PLEKHG4B: variants seen among roughly 807,000 people sequenced by gnomAD.
The protein encoded by PLEKHG4B is pleckstrin homology domain-containing family G member 4B.
A neutral mutation model predicts 121.3 loss-of-function variants in PLEKHG4B; 111 were observed. That is an observed-to-expected ratio of 0.92 (90% CI 0.78 to 1.07). PLEKHG4B has a LOEUF of 1.07. Ranked by LOEUF, PLEKHG4B falls within the 50% of genes least tolerant of loss-of-function variation. The pLI, the probability that PLEKHG4B is intolerant of heterozygous loss-of-function variation, is 0.00. For missense variants in PLEKHG4B, 1,831 were observed against 1,757.8 expected, an observed-to-expected ratio of 1.04 and a Z score of -0.74; for synonymous variants, 738 against 725.0, an observed-to-expected ratio of 1.02 and a Z score of -0.29.
At chr5:170,632 A>G (rs1736512137) in intron 14 of PLEKHG4B, among the ~76,000 whole-genome samples, 1 of 152,130 alleles carries the variant, frequency 6.6e-6, no homozygotes, top group East Asian at 1.9e-4. Flanking sequence ...TTTTAGACAT[A>G]AAGTGCAGAT....
At chr5:124,127 T>C (rs1435966136) in intron 2 of PLEKHG4B, among the ~76,000 whole-genome samples, 2 of 152,230 alleles carry the variant, frequency 1.3e-5, no homozygotes, top group Non-Finnish European at 2.9e-5. Flanking sequence ...TTGATTAATT[T>C]CCACAATTTT....
Position 140,159 on chromosome 5 carries a change from G to T in PLEKHG4B, c.920G>T (p.Gly307Val). 1 of 775,662 alleles carries T rather than the reference G, an allele frequency of 1.3e-6. No homozygotes were observed. The highest frequency in any genetic ancestry group is 2.0e-6 in the Non-Finnish European group (1 of 502,558). The allele number at this position is 775,662 out of a possible 1,614,324, so 48.0% of individuals were successfully genotyped here. A position where few individuals can be genotyped will look rare whatever the true frequency, so the allele number is the denominator to read the frequency against. ...CGGATGCCCCCTGAGAACTGTGGGGGGTCGGGGGAGAGGCCGGACCCCATG... is the reference window on the plus strand; with the variant it reads ...CGGATGCCCCCTGAGAACTGTGGGGTGTCGGGGGAGAGGCCGGACCCCATG... ...GPRMPPENCG[G>V]SGERPDPMDQ... The change falls in exon 3 of 20, where the codon GGG (glycine) becomes GTG (valine). Residue 307 changes from glycine (G) to valine (V), a missense_variant. Physicochemically the swap from Gly to Val is moderately radical, Grantham distance 109 (BLOSUM62 -3). Transcript: ENST00000637938.
Position 156,686 on chromosome 5 carries a change from G to T in PLEKHG4B, c.2349-87G>T. 6.8e-7 allele frequency: 1 copy of T among 1,465,566 alleles called. No homozygotes were observed. The highest frequency in any genetic ancestry group is 1.4e-5 in the South Asian group (1 of 71,646). The allele number at this position is 1,465,566 out of a possible 1,614,324, so 90.8% of individuals were successfully genotyped here. A position where few individuals can be genotyped will look rare whatever the true frequency, so the allele number is the denominator to read the frequency against. ...GCCTTGTGGCATGAGGGAATGGAAA[G>T]AGCAGGGTTTTTATATGGGGTTGTC... is the stretch of plus-strand genomic sequence containing the variant. On this transcript the variant is annotated intron_variant, in intron 10 of 19. Coordinates refer to ENST00000637938, the MANE Select transcript of PLEKHG4B (RefSeq NM_052909.5). The surrounding 1 kb of genome is among the most constrained non-coding windows in gnomAD (Gnocchi z 4.4).
At chr5:160,365 A>G (rs1360882603) in intron 11 of PLEKHG4B, among the ~76,000 whole-genome samples, 1 of 152,178 alleles carries the variant, frequency 6.6e-6, no homozygotes, top group Non-Finnish European at 1.5e-5. Flanking sequence ...CTAGGCTCGG[A>G]TGGCTGCGGT....
intron 2 of PLEKHG4B, among the ~76,000 whole-genome samples, chr5:117,416 G>C (rs981284433): frequency 6.6e-6 from 1 of 152,122 alleles, no homozygotes; most frequent in African/African-American, 2.4e-5. Context: ...GCTAAGACTT[G>C]AGTGATTACT....
At position 183,179 on chromosome 5, in the gene PLEKHG4B, G is replaced by A. The variant is rs778805037; in HGVS notation, c.*856G>A. The stretch of plus-strand genomic sequence containing the variant: ...CTAGACTGAGCCCTGCTCCTGACTC[G>A]CCTACAAAATCATAAAAGCAAGACC... On this transcript the variant is annotated 3_prime_UTR_variant, in exon 20 of 20. Coordinates refer to ENST00000637938, the MANE Select transcript of PLEKHG4B (RefSeq NM_052909.5). 2.6e-5 allele frequency: 4 copies of A among 152,162 alleles called. No homozygotes were observed. Among genetic ancestry groups the A allele is most frequent in the African/African-American group, 7.2e-5 (3 of 41,426 alleles). 9.4% of individuals were successfully genotyped at this position (152,162 alleles called of 1,614,324 possible). A position where few individuals can be genotyped will look rare whatever the true frequency, so the allele number is the denominator to read the frequency against.
chr5:179,908 T>C (rs961026070), intron 18 of PLEKHG4B, among the ~76,000 whole-genome samples: 4 of 152,218 alleles, frequency 2.6e-5, no homozygotes, highest in Non-Finnish European at 4.4e-5. Context: ...ATTTTTGATA[T>C]GTAGGTTTGT....
At chr5:124,559 G>T (rs1446023305) in intron 2 of PLEKHG4B, among the ~76,000 whole-genome samples, 2 of 152,222 alleles carry the variant, frequency 1.3e-5, no homozygotes, top group Non-Finnish European at 2.9e-5. Context: ...CATACATTTT[G>T]ATGGTCTGTC....
chr5:148,812 T>A (rs1350918472), intron 6 of PLEKHG4B, among the ~76,000 whole-genome samples: 1 of 152,200 alleles, frequency 6.6e-6, no homozygotes, highest in Admixed American at 6.5e-5. Context: ...TCACAGTTCC[T>A]GATTTCAAAA....
intron 2 of PLEKHG4B, among the ~76,000 whole-genome samples, chr5:120,447 G>T (rs1057037995): frequency 6.6e-6 from 1 of 152,134 alleles, no homozygotes; most frequent in Non-Finnish European, 1.5e-5. Flanking sequence ...ACTAGAGATA[G>T]GCTGAAATTA....
At position 161,932 on chromosome 5, in the gene PLEKHG4B, GT is replaced by G; in HGVS notation, c.2639del (p.Leu880CysfsTer5). The part of the protein sequence containing the change: ...ELARWTRSSE[L>X]CETVSSWMGP... Reference sequence around the variant, plus strand: ...TGGCCAGGTGGACCCGCTCGTCCGAGTTGTGCGAGACGGTAAGAGACCCAGT... The same window carrying G: ...TGGCCAGGTGGACCCGCTCGTCCGAGTGTGCGAGACGGTAAGAGACCCAGT... On this transcript the variant is annotated frameshift_variant, in exon 12 of 20. Coordinates refer to ENST00000637938, the MANE Select transcript of PLEKHG4B (RefSeq NM_052909.5). LOFTEE classifies it high-confidence loss of function. 2 of 1,611,750 alleles carry G rather than the reference GT, an allele frequency of 1.2e-6. No individual in the cohort carries two copies. The highest frequency in any genetic ancestry group is 1.7e-6 in the Non-Finnish European group (2 of 1,179,472).
chr5:123,707 A>G (rs929997432), intron 2 of PLEKHG4B, among the ~76,000 whole-genome samples: 1 of 152,140 alleles, frequency 6.6e-6, no homozygotes, highest in African/African-American at 2.4e-5. Flanking sequence ...GTAGTAAGTA[A>G]TATCCCCTCT....
intron 1 of PLEKHG4B, among the ~76,000 whole-genome samples, chr5:107,319 ACTGCTCTCCT>A (rs1734005715): frequency 6.6e-6 from 1 of 152,068 alleles, no homozygotes; most frequent in Non-Finnish European, 1.5e-5. Context: ...TCTGGGATCC[ACTGCTCTCCT>A]CTGCTCTGGG....
rs774394437 is a variant in PLEKHG4B, at chr5:154,940, C to A, written c.2058C>A (p.Asp686Glu). 2.3e-5 allele frequency: 37 copies of A among 1,613,814 alleles called. No homozygotes were observed. The highest frequency in any genetic ancestry group is 3.1e-5 in the Non-Finnish European group (36 of 1,180,034). Residue 686 changes from aspartate to glutamate, a missense_variant, in exon 8 of 20, where the codon GAC becomes GAA. Transcript: ENST00000637938. The part of the protein sequence containing the change: ...KFVDSCQLTA[D>E]LDGSFPYSHG... The stretch of plus-strand genomic sequence containing the variant: ...TTGACAGCTGCCAGCTGACCGCAGA[C>A]CTCGACGGCTCCTTTCCCTACAGCC...
At chr5:164,145 G>C (rs966550833) in intron 13 of PLEKHG4B, among the ~76,000 whole-genome samples, 2 of 152,250 alleles carry the variant, frequency 1.3e-5, no homozygotes, top group Admixed American at 6.5e-5. Flanking sequence ...CATTTGGTTG[G>C]CTTCTGTGTC....
chr5:182,203 A>C lies in PLEKHG4B; in HGVS notation c.4764A>C (p.Ser1588=), dbSNP rs1274740935. ...GLWSPAHSPW[S]SDIRACVEED... is the part of the protein sequence containing the mutation. ...GGAGCCCTGCCCACAGCCCCTGGTCATCTGATATCAGAGCCTGCGTCGAGG... is the reference window on the plus strand; with the variant it reads ...GGAGCCCTGCCCACAGCCCCTGGTCCTCTGATATCAGAGCCTGCGTCGAGG... Residue 1588 remains serine, a synonymous_variant, in exon 20 of 20, where the codon TCA becomes TCC. Coordinates refer to ENST00000637938, the MANE Select transcript of PLEKHG4B (RefSeq NM_052909.5). The C allele has an allele frequency of 6.2e-7, 1 of 1,613,780 alleles. No homozygotes were observed. The highest frequency in any genetic ancestry group is 2.2e-5 in the East Asian group (1 of 44,884).
At chr5:167,261 G>A (rs1384276475) in intron 13 of PLEKHG4B, among the ~76,000 whole-genome samples, 2 of 152,230 alleles carry the variant, frequency 1.3e-5, no homozygotes, top group Admixed American at 1.3e-4. Context: ...GAGGTGCTGT[G>A]TTCTCAGAAA....
chr5:102,269 C>T (rs1733844063), intron 1 of PLEKHG4B, among the ~76,000 whole-genome samples: 1 of 152,068 alleles, frequency 6.6e-6, no homozygotes, highest in Non-Finnish European at 1.5e-5. Flanking sequence ...TACTAGAACT[C>T]ACATCAGTTT....
intron 14 of PLEKHG4B, among the ~76,000 whole-genome samples, chr5:170,360 T>A (rs2126453529): frequency 6.6e-6 from 1 of 152,254 alleles, no homozygotes; most frequent in Admixed American, 6.5e-5. Context: ...TGGAGTGCAG[T>A]GGCACAATCA....
Sources: allele counts gnomAD v4.1 joint callset (sites outside exome capture counted in the v4.1 genomes callset), GRCh38; gene constraint gnomAD v4.1.1; non-coding constraint Gnocchi (gnomAD v3.1); transcripts MANE v1.5; gene names NCBI Gene and HGNC (gene_info 2026-07-23, HGNC 2026-07-21).